Variants in BCO1 observed in about 807,000 individuals in gnomAD.
BCO1 encodes the protein beta-carotene oxygenase 1, also known as beta,beta-carotene 15,15'-dioxygenase.
BCO1 carries 54 observed loss-of-function variants against 56.3 expected under a neutral mutation model. The observed-to-expected ratio is 0.96, with a 90% confidence interval of 0.77 to 1.20. BCO1 has a LOEUF of 1.20. BCO1 is among the 50% of genes most tolerant of loss of function. The pLI, the probability that BCO1 is intolerant of heterozygous loss-of-function variation, is 0.00. For synonymous variants in BCO1, 318 were observed against 266.1 expected, an observed-to-expected ratio of 1.20 and a Z score of -1.90; for missense variants, 801 against 690.9, an observed-to-expected ratio of 1.16 and a Z score of -1.79.
At chr16:81,280,193 G>A (rs971596027) in intron 7 of BCO1, among the ~76,000 whole-genome samples, 3 of 140,542 alleles carry the variant, frequency 2.1e-5, no homozygotes, top group Non-Finnish European at 4.5e-5. Flanking sequence ...AACCTGGGAG[G>A]CAGAGGTTGC....
chr16:81,266,521 A>T (rs1222685144), intron 5 of BCO1, among the ~76,000 whole-genome samples: 1 of 152,062 alleles, frequency 6.6e-6, no homozygotes, highest in East Asian at 1.9e-4. Flanking sequence ...GCCTGGAGAT[A>T]TGAGCCTTCG....
chr16:81,264,875 TCCAGTGTGGTACTTTCTC>T, intron 5 of BCO1, 88 bp downstream of exon 5: 3 of 1,441,248 alleles, frequency 2.1e-6, no homozygotes, highest in East Asian at 4.6e-5. Flanking sequence ...TGACACAAGA[TCCAGTGTGGTACTTTCTC>T]CCGTAGATTA....
chr16:81,240,836 A>ATTT (rs140061342), intron 1 of BCO1, among the ~76,000 whole-genome samples: 42 of 139,794 alleles, frequency 3.0e-4, no homozygotes, highest in Admixed American at 8.7e-4. Flanking sequence ...TTTAATTTTA[A>ATTT]TTTTTTTTTT....
chr16:81,252,070 C>G (rs181786014), intron 2 of BCO1, among the ~76,000 whole-genome samples: 1 of 152,136 alleles, frequency 6.6e-6, no homozygotes, highest in Non-Finnish European at 1.5e-5. Flanking sequence ...ATCTCAACCT[C>G]AAAGTCCAGG....
At chr16:81,266,692 C>T (rs906499993) in intron 5 of BCO1, among the ~76,000 whole-genome samples, 3 of 152,144 alleles carry the variant, frequency 2.0e-5, no homozygotes, top group African/African-American at 7.2e-5. Flanking sequence ...GACTGTGAGG[C>T]TCAGGGGATC....
intron 2 of BCO1, among the ~76,000 whole-genome samples, chr16:81,252,211 C>T (rs535529403): frequency 1.3e-5 from 2 of 151,148 alleles, no homozygotes; most frequent in African/African-American, 4.9e-5. Context: ...TTCTTTCTTT[C>T]TTTTTTTTTC....
In BCO1 at chr16:81,274,901, C is replaced by CAA. The variant is rs1233485146; in HGVS notation, c.1101+4499_1101+4500dup. On this transcript the variant is annotated intron_variant, in intron 7 of 10. Coordinates refer to ENST00000258168, the MANE Select transcript of BCO1 (RefSeq NM_017429.3). Reference sequence around the variant, plus strand: ...TGGGCAACAGAGTGAGACTCCATCTCAAAAAAAAAAAAAAAGAAAGCTGTC... The same window carrying CAA: ...TGGGCAACAGAGTGAGACTCCATCTCAAAAAAAAAAAAAAAAAGAAAGCTGTC... Among the ~76,000 whole-genome samples, 33 of 124,632 alleles carry CAA rather than the reference C, an allele frequency of 2.6e-4. 1 individual carries two copies. The highest frequency in any genetic ancestry group is 8.8e-4 in the African/African-American group (29 of 33,136). 81.8% of individuals were successfully genotyped at this position (124,632 alleles called of 152,430 possible).
At chr16:81,240,947 G>C (rs1905079524) in intron 1 of BCO1, among the ~76,000 whole-genome samples, 1 of 147,510 alleles carries the variant, frequency 6.8e-6, no homozygotes, top group African/African-American at 2.5e-5. Context: ...CGATTCTTCT[G>C]CCTCAGCCTC....
Position 81,245,548 on chromosome 16 carries a change from A to G in BCO1, c.138A>G (p.Arg46=). Residue 46 remains arginine, a synonymous_variant, in exon 2 of 11, where the codon AGA becomes AGG. Coordinates refer to ENST00000258168, the MANE Select transcript of BCO1 (RefSeq NM_017429.3). ...GPGMHTVGES[R]YNHWFDGLAL... is the part of the protein sequence containing the mutation. ...GGATGCACACAGTTGGGGAGTCCAG[A>G]TACAACCATTGGTTCGACGGCCTTG... 1 of 1,613,800 alleles carries G rather than the reference A, an allele frequency of 6.2e-7. No homozygotes were observed.
At chr16:81,264,508 C>T in intron 4 of BCO1, 132 bp from the exon 5 acceptor site, 1 of 1,117,720 alleles carries the variant, frequency 8.9e-7, no homozygotes. Flanking sequence ...TATCCCTCAT[C>T]TCTCTGAACC....
intron 10 of BCO1, among the ~76,000 whole-genome samples, chr16:81,289,132 A>AAATCCAGGCC (rs2150651671): frequency 6.6e-6 from 1 of 152,316 alleles, no homozygotes; most frequent in African/African-American, 2.4e-5. Flanking sequence ...GGTAAGATTT[A>AAATCCAGGCC]AATCCAGGCC....
At chr16:81,268,538 G>C (rs1906979482) in intron 6 of BCO1, among the ~76,000 whole-genome samples, 1 of 152,160 alleles carries the variant, frequency 6.6e-6, no homozygotes, top group South Asian at 2.1e-4. Flanking sequence ...AGCGGCCAGA[G>C]GTTTAGACAT....
At position 81,246,974 on chromosome 16, in the gene BCO1, G is replaced by A. The variant is rs534865823; in HGVS notation, c.193+1371G>A. Among the ~76,000 whole-genome samples, 17 of 152,220 alleles carry A rather than the reference G, an allele frequency of 1.1e-4. No individual in the cohort carries two copies. In the East Asian group the frequency reaches 3.1e-3, roughly 28 times the overall value. ...CCGAGGGATCTCCCTGAGTGGAAAG[G>A]GAAATGGATAAATATAGGGCATCAC... On this transcript the variant is annotated intron_variant, in intron 2 of 10. Coordinates refer to ENST00000258168, the MANE Select transcript of BCO1 (RefSeq NM_017429.3).
At chr16:81,276,135 A>G (rs1265714281) in intron 7 of BCO1, among the ~76,000 whole-genome samples, 1 of 152,256 alleles carries the variant, frequency 6.6e-6, no homozygotes, top group Non-Finnish European at 1.5e-5. Context: ...CACTCCAGTA[A>G]GAGAAGCACC....
In BCO1 at chr16:81,238,889, C is replaced by T. The variant is rs1480840828; in HGVS notation, c.-20C>T. 6 of 1,613,068 alleles carry T rather than the reference C, an allele frequency of 3.7e-6. No individual in the cohort carries two copies. The Admixed American group carries it at 1.0e-4, about 27-fold the overall frequency. On this transcript the variant is annotated 5_prime_UTR_variant, in exon 1 of 11. Transcript: ENST00000258168. ...GCACCTGTTTGCTGTTAAAATCGAT[C>T]TCCCTCGGCACCCTGAGCAATGGAT...
rs1310089941 is a variant in BCO1, at chr16:81,243,710, C to G, written c.65-1765C>G. 2.0e-5 allele frequency among the ~76,000 whole-genome samples: 3 copies of G among 152,208 alleles called. No homozygotes were observed. The East Asian group carries it at 5.8e-4, about 29-fold the overall frequency. On this transcript the variant is annotated intron_variant, in intron 1 of 10. Coordinates refer to ENST00000258168, the MANE Select transcript of BCO1 (RefSeq NM_017429.3). ...TCTCCAGCTCCTGACCTCAAGCGAT[C>G]TGCCTGCCTCACCTCCCAAAGTGCT...
chr16:81,278,425 C>A (rs1051885302), intron 7 of BCO1, among the ~76,000 whole-genome samples: 20 of 152,228 alleles, frequency 1.3e-4, no homozygotes, highest in East Asian at 5.8e-4. Flanking sequence ...TTACAGCCAC[C>A]GTGCAAAACA....
chr16:81,281,416 A>G (rs188897284), intron 8 of BCO1, among the ~76,000 whole-genome samples: 117 of 152,348 alleles, frequency 7.7e-4, no homozygotes, highest in African/African-American at 2.6e-3. Context: ...ATTGTACTCC[A>G]GCCTGGGCAA....
intron 2 of BCO1, among the ~76,000 whole-genome samples, chr16:81,246,304 C>G (rs1335079468): frequency 6.6e-6 from 1 of 152,012 alleles, no homozygotes; most frequent in Non-Finnish European, 1.5e-5. Context: ...TCTCAAAATC[C>G]TTATTCACAT....
Sources: gnomAD v4.1 joint callset for allele counts (sites outside exome capture counted in the v4.1 genomes callset) on GRCh38, gnomAD v4.1.1 for gene constraint, MANE v1.5 for transcripts, NCBI Gene and HGNC (gene_info 2026-07-23, HGNC 2026-07-21) for gene names.